CPD: variants seen among roughly 807,000 people sequenced by gnomAD.
CPD encodes the protein carboxypeptidase D, also known as metallocarboxypeptidase D.
Under a neutral mutation model 138.3 loss-of-function variants are expected in CPD, and 69 were observed. That is an observed-to-expected ratio of 0.50 (90% CI 0.41 to 0.61). The LOEUF is 0.61. Among genes scored for constraint, CPD ranks in the 20% least tolerant of loss-of-function variants. The pLI is 0.00. For synonymous variants in CPD, 651 were observed against 642.1 expected, an observed-to-expected ratio of 1.01 and a Z score of -0.21; for missense variants, 1,432 against 1,733.3, an observed-to-expected ratio of 0.83 and a Z score of 3.09.
In CPD at chr17:30,379,847, A is replaced by G. The variant is rs986509026; in HGVS notation, c.746+121A>G. ...GGGTGGCGGTGGTGAAGGTGAAGGGAGACACCCTGTAACGGGGACAGGGCC... is the reference window on the plus strand; with the variant it reads ...GGGTGGCGGTGGTGAAGGTGAAGGGGGACACCCTGTAACGGGGACAGGGCC... On this transcript the variant is annotated intron_variant, in intron 1 of 20. Coordinates refer to ENST00000225719, the MANE Select transcript of CPD (RefSeq NM_001304.5). This position sits in a 1 kb window ranked among gnomAD's most constrained non-coding sequence, Gnocchi z 7.0. 1.5e-6 allele frequency: 1 copy of G among 669,174 alleles called. No individual in the cohort carries two copies. The highest frequency in any genetic ancestry group is 2.2e-6 in the Non-Finnish European group (1 of 455,318). 41.5% of individuals were successfully genotyped at this position (669,174 alleles called of 1,614,324 possible).
intron 2 of CPD, among the ~76,000 whole-genome samples, chr17:30,390,020 ATT>A (rs1307779393): frequency 1.5e-4 from 21 of 142,490 alleles, no homozygotes; most frequent in Admixed American, 1.4e-4. Flanking sequence ...TCCTGGAGTA[ATT>A]TTTTTTTTTT....
rs575835944 is a variant in CPD at position 30,392,772 on chromosome 17, G to C, written c.994+7536G>C. 1.0e-3 allele frequency among the ~76,000 whole-genome samples: 152 copies of C among 152,264 alleles called. 1 individual carries two copies. Among genetic ancestry groups the C allele is most frequent in the Admixed American group, 4.1e-3 (62 of 15,294 alleles). On this transcript the variant is annotated intron_variant, in intron 2 of 20. Transcript: ENST00000225719. ...TTATTTGGGTTTTTCCTCCCAACTT[G>C]TTTATATGTTTCAGTTATTTGCAGT... is the stretch of plus-strand genomic sequence containing the variant.
intron 1 of CPD, among the ~76,000 whole-genome samples, chr17:30,383,405 C>T (rs1328956678): frequency 3.3e-5 from 5 of 152,190 alleles, no homozygotes; most frequent in Non-Finnish European, 7.3e-5. Flanking sequence ...AGTAACTTCT[C>T]CTGATTATGT....
At chr17:30,440,585 T>C (rs1025494282) in intron 9 of CPD, among the ~76,000 whole-genome samples, 1 of 149,432 alleles carries the variant, frequency 6.7e-6, no homozygotes, top group Non-Finnish European at 1.5e-5. Context: ...TTGATTTTTG[T>C]ATAAGGTATA....
chr17:30,457,367 G>GT (rs1913328257), intron 17 of CPD, among the ~76,000 whole-genome samples: 1 of 152,030 alleles, frequency 6.6e-6, no homozygotes, highest in Admixed American at 6.6e-5. Context: ...ATGTGTCAAT[G>GT]GGCACTTGGA....
chr17:30,455,540 CT>C, intron 15 of CPD, 70 bp downstream of exon 15: 1 of 1,521,332 alleles, frequency 6.6e-7, no homozygotes, highest in Non-Finnish European at 8.9e-7. Context: ...AGTAATGTCC[CT>C]TCCACATTTT....
chr17:30,426,935 C>T (rs1301799925), intron 6 of CPD, among the ~76,000 whole-genome samples: 1 of 152,096 alleles, frequency 6.6e-6, no homozygotes, highest in Non-Finnish European at 1.5e-5. Flanking sequence ...AATCCTAGCA[C>T]TTTGGGAGGC....
intron 2 of CPD, among the ~76,000 whole-genome samples, chr17:30,386,821 A>G (rs1364987155): frequency 6.6e-6 from 1 of 152,162 alleles, no homozygotes; most frequent in Non-Finnish European, 1.5e-5. Context: ...TATTCCTTGA[A>G]TGTATATGTT....
rs778388972 is a variant in CPD at position 30,462,006 on chromosome 17, C to T, written c.3760C>T (p.Pro1254Ser). 1 of 1,613,842 alleles carries T rather than the reference C, an allele frequency of 6.2e-7. No individual in the cohort carries two copies. The highest frequency in any genetic ancestry group is 1.1e-5 in the South Asian group (1 of 91,044). The stretch of plus-strand genomic sequence containing the variant: ...AGGTTATTTCCATGTACTCTTAGCG[C>T]CAGGTGTCCATAACATTATTGCCAT... ...EGGYFHVLLA[P>S]GVHNIIAIAD... The change falls in exon 19 of 21, where the codon CCA (proline) becomes TCA (serine). Residue 1254 changes from proline (P) to serine (S), a missense_variant. Physicochemically the swap from Pro to Ser is moderately conservative, Grantham distance 74. This residue lies in a region of CPD where 366 missense variants were observed against 518.8 expected (regional missense o/e 0.71). Transcript: ENST00000225719.
At chr17:30,453,584 C>T (rs1321876575) in intron 14 of CPD, among the ~76,000 whole-genome samples, 5 of 152,138 alleles carry the variant, frequency 3.3e-5, no homozygotes, top group African/African-American at 1.2e-4. Context: ...TGCAAGCTGT[C>T]GTGGATCTAC....
intron 2 of CPD, among the ~76,000 whole-genome samples, chr17:30,389,244 T>A (rs1189098385): frequency 2.6e-5 from 4 of 152,216 alleles, no homozygotes; most frequent in African/African-American, 7.2e-5. Flanking sequence ...GCTATCACTT[T>A]CTAGAATTTT....
intron 17 of CPD, chr17:30,456,828 C>T (rs1913312365): frequency 8.9e-6 from 1 of 112,352 alleles, no homozygotes. Flanking sequence ...GCCTGGGCAA[C>T]AGAGCAAGAT....
chr17:30,402,720 G>T (rs938240204), intron 2 of CPD, among the ~76,000 whole-genome samples: 1 of 152,110 alleles, frequency 6.6e-6, no homozygotes, highest in Non-Finnish European at 1.5e-5. Flanking sequence ...AGCTTTTACT[G>T]GTTATTTGAA....
chr17:30,464,145 C>A (rs1913567667), intron 20 of CPD, among the ~76,000 whole-genome samples: 2 of 152,058 alleles, frequency 1.3e-5, no homozygotes. Context: ...AATACCAGCA[C>A]TTTGGGAGGC....
intron 10 of CPD, among the ~76,000 whole-genome samples, chr17:30,443,007 G>GTT (rs11394991): frequency 0.013 from 1,940 of 151,652 alleles, 36 homozygotes; most frequent in African/African-American, 0.044. Context: ...AAGTCTGTGA[G>GTT]TTTTTTTTAC....
At position 30,464,784 on chromosome 17, in the gene CPD, AGAG is replaced by A; in HGVS notation, c.4116_4118del (p.Glu1373del). 6.2e-7 allele frequency: 1 copy of A among 1,613,972 alleles called. No individual in the cohort carries two copies. Among genetic ancestry groups the A allele is most frequent in the Non-Finnish European group, 8.5e-7 (1 of 1,179,874 alleles). The stretch of plus-strand genomic sequence containing the variant: ...AGTTCCAGGATGAAACAGACACTGA[AGAG>A]GAAACATTATATTCTAGCAAACATT... On this transcript the variant is annotated inframe_deletion, in exon 21 of 21. Coordinates refer to ENST00000225719, the MANE Select transcript of CPD (RefSeq NM_001304.5).
At chr17:30,456,757 G>T (rs928525658) in intron 17 of CPD, 2 of 393,260 alleles carry the variant, frequency 5.1e-6, no homozygotes, top group African/African-American at 2.1e-5. Context: ...CAGGAGAATC[G>T]CTTGAACCTG....
intron 9 of CPD, among the ~76,000 whole-genome samples, chr17:30,442,079 C>G (rs1464914955): frequency 6.6e-6 from 1 of 152,104 alleles, no homozygotes; most frequent in Non-Finnish European, 1.5e-5. Flanking sequence ...ATTATTGCCA[C>G]AATTTCAGCT....
At position 30,385,244 on chromosome 17, in the gene CPD, A is replaced by C; in HGVS notation, c.994+8A>C. On this transcript the variant is annotated splice_region_variant and intron_variant, in intron 2 of 20. Transcript: ENST00000225719. ...ATTGGTATGATGTGGAAGGTATGCA[A>C]AGCATTGAGTTTGCTACATTTTCCC... 1 of 1,613,466 alleles carries C rather than the reference A, an allele frequency of 6.2e-7. No homozygotes were observed. Among genetic ancestry groups the C allele is most frequent in the African/African-American group, 1.3e-5 (1 of 75,028 alleles).
Sources: gnomAD v4.1 joint callset for allele counts (sites outside exome capture counted in the v4.1 genomes callset) on GRCh38, gnomAD v4.1.1 for gene constraint, gnomAD v4.1.1 regional missense constraint, Gnocchi (gnomAD v3.1) non-coding constraint, MANE v1.5 for transcripts, NCBI Gene and HGNC (gene_info 2026-07-23, HGNC 2026-07-21) for gene names.